The following RGS6 variants were observed in gnomAD, a reference collection of about 807,000 sequenced individuals.
RGS6 encodes regulator of G-protein signaling 6.
In RGS6, 30 loss-of-function variants were observed where a neutral mutation model predicts 78.5. The ratio of observed to expected loss-of-function variants is 0.38; its 90% CI spans 0.29 to 0.52. RGS6 has a LOEUF of 0.52. RGS6 is among the 20% of genes least tolerant of loss of function. The pLI, the probability that RGS6 is intolerant of heterozygous loss-of-function variation, is 0.85. For missense variants in RGS6, 495 were observed against 609.7 expected, an observed-to-expected ratio of 0.81 and a Z score of 1.98; for synonymous variants, 206 against 206.0, an observed-to-expected ratio of 1.00 and a Z score of 0.00.
chr14:71,912,374 T>C, the RGS6 span, among the ~76,000 whole-genome samples: 7 of 152,218 alleles, frequency 4.6e-5, no homozygotes, highest in Non-Finnish European at 8.8e-5. Flanking sequence ...GATTTTATTT[T>C]TATTTCTCAC....
At chr14:72,574,448 A>G in the RGS6 span, among the ~76,000 whole-genome samples, 1 of 152,138 alleles carries the variant, frequency 6.6e-6, no homozygotes, top group Non-Finnish European at 1.5e-5. Flanking sequence ...AGAAAAAAAG[A>G]TAGTTAAGAG....
At chr14:72,264,371 G>T (rs934314700) in intron 2 of RGS6, among the ~76,000 whole-genome samples, 5 of 152,176 alleles carry the variant, frequency 3.3e-5, no homozygotes, top group African/African-American at 4.8e-5. Flanking sequence ...TAACTATAAA[G>T]AACAAACTTT....
chr14:72,095,764 T>C (rs1227982618), intron 2 of RGS6, among the ~76,000 whole-genome samples: 2 of 152,186 alleles, frequency 1.3e-5, no homozygotes, highest in African/African-American at 2.4e-5. Flanking sequence ...TAAAAATGAA[T>C]GTCATCACCA....
chr14:72,293,426 A>G lies in RGS6; in HGVS notation c.85-58669A>G, dbSNP rs543457956. On this transcript the variant is annotated intron_variant, in intron 2 of 17. Transcript: ENST00000553525. ...ATTGTGATGGGGTGAGGTTTTGAAAAGTTCTTCGGATGGGCTAGTGTTTGT... is the reference window on the plus strand; with the variant it reads ...ATTGTGATGGGGTGAGGTTTTGAAAGGTTCTTCGGATGGGCTAGTGTTTGT... Among the ~76,000 whole-genome samples the G allele has an allele frequency of 2.0e-5, 3 of 152,230 alleles. No individual in the cohort carries two copies. The South Asian group carries it at 6.2e-4, about 32-fold the overall frequency.
At chr14:72,518,855 T>C (rs756854085) in intron 15 of RGS6, among the ~76,000 whole-genome samples, 9 of 152,316 alleles carry the variant, frequency 5.9e-5, no homozygotes, top group South Asian at 2.1e-4. Context: ...GAACACAGCA[T>C]TGGGGAAGTG....
chr14:72,199,956 G>T (rs1295985013), intron 2 of RGS6, among the ~76,000 whole-genome samples: 1 of 152,190 alleles, frequency 6.6e-6, no homozygotes, highest in Non-Finnish European at 1.5e-5. Context: ...TTTCGATAGA[G>T]ATCCTATGGC....
At chr14:72,111,653 C>T (rs966824421) in intron 2 of RGS6, among the ~76,000 whole-genome samples, 3 of 152,166 alleles carry the variant, frequency 2.0e-5, no homozygotes, top group African/African-American at 7.2e-5. Context: ...CCACTCCAGA[C>T]AGGGTTTTGA....
intron 14 of RGS6, among the ~76,000 whole-genome samples, chr14:72,514,581 C>T (rs1027017319): frequency 4.6e-5 from 7 of 152,198 alleles, no homozygotes; most frequent in African/African-American, 7.2e-5. Flanking sequence ...CTAGTTTCCC[C>T]GCCAGCATTT....
rs1487451075 is a variant in RGS6 at position 72,470,141 on chromosome 14, G to A, written c.536+58G>A. On this transcript the variant is annotated intron_variant, in intron 8 of 17. Transcript: ENST00000553525. The stretch of plus-strand genomic sequence containing the variant: ...GGAAAAGACTCTGGAATTTGGAAAT[G>A]GTGTGAAGGTGGGATTGTCAAAGTG... The A allele has an allele frequency of 3.1e-6, 4 of 1,295,728 alleles. No individual in the cohort carries two copies. The East Asian group carries it at 6.9e-5, about 22-fold the overall frequency. 80.3% of individuals were successfully genotyped at this position (1,295,728 alleles called of 1,614,324 possible). A position where few individuals can be genotyped will look rare whatever the true frequency, so the allele number is the denominator to read the frequency against.
chr14:72,038,350 T>G (rs2091999838), intron 2 of RGS6, among the ~76,000 whole-genome samples: 1 of 152,192 alleles, frequency 6.6e-6, no homozygotes, highest in Non-Finnish European at 1.5e-5. Context: ...AACTCTGTTC[T>G]TTTTCAAAAT....
chr14:72,132,172 T>C (rs1387562799), intron 2 of RGS6, among the ~76,000 whole-genome samples: 3 of 152,312 alleles, frequency 2.0e-5, no homozygotes, highest in Admixed American at 6.5e-5. Context: ...CATTTCCTTA[T>C]CCAATCATTT....
intron 15 of RGS6, among the ~76,000 whole-genome samples, chr14:72,531,710 T>C (rs982636197): frequency 6.6e-6 from 1 of 152,196 alleles, no homozygotes; most frequent in South Asian, 2.1e-4. Flanking sequence ...TTATGGTATA[T>C]AGCATGCAAT....
chr14:72,256,110 G>T (rs1328241450), intron 2 of RGS6, among the ~76,000 whole-genome samples: 1 of 152,218 alleles, frequency 6.6e-6, no homozygotes, highest in African/African-American at 2.4e-5. Flanking sequence ...ATTATTGCTA[G>T]GCAGTCAAGT....
chr14:72,585,732 A>G, the RGS6 span, among the ~76,000 whole-genome samples: 1 of 152,200 alleles, frequency 6.6e-6, no homozygotes, highest in Non-Finnish European at 1.5e-5. Context: ...AGCACGTCAA[A>G]ACCTCCACTC....
At chr14:72,453,564 C>T (rs1344537816) in intron 3 of RGS6, among the ~76,000 whole-genome samples, 1 of 130,610 alleles carries the variant, frequency 7.7e-6, no homozygotes, top group African/African-American at 3.0e-5. Flanking sequence ...TGCAGTGAGC[C>T]GAGATCCCGC....
At chr14:72,171,263 C>T (rs1381414468) in intron 2 of RGS6, among the ~76,000 whole-genome samples, 5 of 152,094 alleles carry the variant, frequency 3.3e-5, no homozygotes, top group Admixed American at 3.3e-4. Context: ...ATGTATGGAC[C>T]TGTGCATGAA....
At chr14:72,003,783 C>T (rs753016435) in intron 2 of RGS6, among the ~76,000 whole-genome samples, 3 of 152,116 alleles carry the variant, frequency 2.0e-5, no homozygotes, top group Non-Finnish European at 2.9e-5. Context: ...GAAGGCCTCA[C>T]CCTACCCAGT....
intron 2 of RGS6, among the ~76,000 whole-genome samples, chr14:72,078,570 C>A (rs546040597): frequency 1.3e-5 from 2 of 152,098 alleles, no homozygotes; most frequent in East Asian, 1.9e-4. Flanking sequence ...CCCGTCACCA[C>A]GCCTAGCTAA....
At chr14:72,098,601 A>G (rs1044815604) in intron 2 of RGS6, among the ~76,000 whole-genome samples, 2 of 152,242 alleles carry the variant, frequency 1.3e-5, no homozygotes, top group Admixed American at 1.3e-4. Flanking sequence ...GATAATTGAA[A>G]GAGTTGCCAA....
Sources: allele counts gnomAD v4.1 joint callset (sites outside exome capture counted in the v4.1 genomes callset), GRCh38; gene constraint gnomAD v4.1.1; transcripts MANE v1.5; gene names NCBI Gene and HGNC (gene_info 2026-07-23, HGNC 2026-07-21).